Variants in DNAH12 observed in about 807,000 individuals in gnomAD.
DNAH12 encodes dynein axonemal heavy chain 12, also known as axonemal beta dynein heavy chain 12.
DNAH12 carries 285 observed loss-of-function variants against 371.5 expected under a neutral mutation model. The observed-to-expected ratio is 0.77, with a 90% CI of 0.70 to 0.85. The LOEUF (loss-of-function observed/expected upper bound fraction) is 0.85. Ranked by LOEUF, DNAH12 falls within the 40% of genes least tolerant of loss-of-function variation. DNAH12 has a pLI of 0.00. For missense variants in DNAH12, 3,611 were observed against 3,689.4 expected (o/e 0.98, Z 0.55); for synonymous variants, 1,200 against 1,213.0 (o/e 0.99, Z 0.22).
chr3:57,303,569 G>A (rs1036673460), intron 69 of DNAH12, among the ~76,000 whole-genome samples: 22 of 151,660 alleles, frequency 1.5e-4, no homozygotes, highest in African/African-American at 4.8e-4. Context: ...CCGCTACCAC[G>A]CCTGGATAAT....
At chr3:57,487,073 G>A (rs549840432) in intron 12 of DNAH12, among the ~76,000 whole-genome samples, 5 of 152,182 alleles carry the variant, frequency 3.3e-5, no homozygotes, top group Admixed American at 1.3e-4. Flanking sequence ...AATGGCAAAC[G>A]AAGTTGAAGT....
In DNAH12 at chr3:57,502,406, T is replaced by A; in HGVS notation, c.1160A>T (p.His387Leu). The A allele has an allele frequency of 1.2e-6, 2 of 1,614,188 alleles. No homozygotes were observed. The highest frequency in any genetic ancestry group is 2.2e-5 in the East Asian group (1 of 44,886). The change falls in exon 10 of 74, where the codon CAC becomes CTC. Residue 387 changes from histidine (H) to leucine (L), a missense_variant. Physicochemically the swap from His to Leu is moderately conservative, Grantham distance 99. Transcript: ENST00000495027. ...PVNLDTELPE[H>L]VLHWAVDTLK... ...TGTATCAACAGCCCAGTGTAACACGTGTTCAGGAAGTTCTGTGTCAAGATT... is the reference window on the plus strand; with the variant it reads ...TGTATCAACAGCCCAGTGTAACACGAGTTCAGGAAGTTCTGTGTCAAGATT...
intron 70 of DNAH12, among the ~76,000 whole-genome samples, chr3:57,298,361 C>T (rs771343545): frequency 1.6e-4 from 25 of 152,298 alleles, no homozygotes; most frequent in Non-Finnish European, 1.9e-4. Flanking sequence ...GGATGTGAGG[C>T]CAGAGTTGCT....
At chr3:57,311,088 T>C in intron 66 of DNAH12, 138 bp from the exon 67 acceptor site, 2 of 669,440 alleles carry the variant, frequency 3.0e-6, no homozygotes, top group Non-Finnish European at 4.9e-6. Context: ...AGATTGTTAG[T>C]TTTTTTTTGG....
In DNAH12 at chr3:57,446,180, G is replaced by A; in HGVS notation, c.4030C>T (p.Gln1344Ter). The A allele has an allele frequency of 1.9e-6, 3 of 1,551,670 alleles. No homozygotes were observed. The highest frequency in any genetic ancestry group is 1.7e-6 in the Non-Finnish European group (2 of 1,146,990). ...ELEVLSVVAQ[Q>*]ILCIQRAIQQ... ...ATAGCTCTCTGAATGCAAAGGATCT[G>A]TTGAGCTACCACTGACAACACTTCC... is the stretch of plus-strand genomic sequence containing the variant. Residue 1344 changes from glutamine (Q) to a stop codon, truncating the protein, a stop_gained, in exon 27 of 74, where the codon CAG becomes TAG. Coordinates refer to ENST00000495027, the MANE Select transcript of DNAH12 (RefSeq NM_001366028.2). LOFTEE classifies it high-confidence loss of function.
At chr3:57,407,461 T>C (rs1283695494) in intron 40 of DNAH12, among the ~76,000 whole-genome samples, 1 of 152,160 alleles carries the variant, frequency 6.6e-6, no homozygotes, top group Non-Finnish European at 1.5e-5. Context: ...CATAGTAGTT[T>C]CTTTACTTGA....
At chr3:57,395,301 C>T (rs1232339821) in intron 43 of DNAH12, among the ~76,000 whole-genome samples, 5 of 152,116 alleles carry the variant, frequency 3.3e-5, no homozygotes, top group Admixed American at 1.3e-4. Flanking sequence ...CACCCCCGGT[C>T]CTGGAAAGCT....
intron 43 of DNAH12, among the ~76,000 whole-genome samples, chr3:57,402,971 C>G (rs1553679491): frequency 1.3e-5 from 2 of 152,012 alleles, no homozygotes; most frequent in Admixed American, 1.3e-4. Context: ...TTTTTTAAAG[C>G]AGCAGCCATG....
intron 11 of DNAH12, among the ~76,000 whole-genome samples, chr3:57,497,100 G>T (rs115271163): frequency 0.01 from 1,530 of 152,228 alleles, 15 homozygotes; most frequent in African/African-American, 0.033. Flanking sequence ...ATTAAAGAAG[G>T]TTCAAATAAA....
At chr3:57,429,637 A>G in intron 33 of DNAH12, 54 bp downstream of exon 33, 1 of 1,464,856 alleles carries the variant, frequency 6.8e-7, no homozygotes, top group Non-Finnish European at 9.1e-7. Flanking sequence ...TTATTGGCTA[A>G]ATTAAAGAAT....
intron 12 of DNAH12, among the ~76,000 whole-genome samples, chr3:57,486,169 G>A (rs1460427666): frequency 1.4e-5 from 2 of 144,094 alleles, no homozygotes; most frequent in Non-Finnish European, 3.0e-5. Flanking sequence ...AGGTTGCAGT[G>A]AGACTCCATC....
At chr3:57,376,645 C>T (rs1275554512) in intron 53 of DNAH12, among the ~76,000 whole-genome samples, 6 of 152,144 alleles carry the variant, frequency 3.9e-5, no homozygotes, top group African/African-American at 1.4e-4. Context: ...ATGAACCATG[C>T]ATTCACTGAT....
intron 69 of DNAH12, among the ~76,000 whole-genome samples, chr3:57,304,116 C>A (rs1019762715): frequency 1.3e-5 from 2 of 149,394 alleles, no homozygotes; most frequent in South Asian, 2.1e-4. Flanking sequence ...CCTTTACCTA[C>A]CCAAATCTTA....
At chr3:57,480,124 A>T (rs1478610345) in intron 13 of DNAH12, among the ~76,000 whole-genome samples, 9 of 152,152 alleles carry the variant, frequency 5.9e-5, no homozygotes, top group Non-Finnish European at 2.9e-5. Flanking sequence ...AAATCAATGA[A>T]TCCAGGAGCT....
At chr3:57,344,428 C>G (rs552610736) in intron 60 of DNAH12, among the ~76,000 whole-genome samples, 2 of 152,232 alleles carry the variant, frequency 1.3e-5, no homozygotes, top group South Asian at 4.1e-4. Flanking sequence ...ATCCAGTGAT[C>G]CCACAACCAG....
intron 69 of DNAH12, among the ~76,000 whole-genome samples, chr3:57,302,568 T>TG (rs1491312065): frequency 1.4e-4 from 7 of 48,624 alleles, no homozygotes; most frequent in African/African-American, 7.2e-4. Context: ...TATATATGTA[T>TG]TTTTTTTTTT....
At chr3:57,310,485 T>C (rs2061562612) in intron 67 of DNAH12, among the ~76,000 whole-genome samples, 1 of 152,146 alleles carries the variant, frequency 6.6e-6, no homozygotes, top group Non-Finnish European at 1.5e-5. Flanking sequence ...TTTCCTACAA[T>C]ACATGAATTC....
intron 29 of DNAH12, among the ~76,000 whole-genome samples, chr3:57,444,219 A>C (rs1211256331): frequency 6.6e-6 from 1 of 151,604 alleles, no homozygotes; most frequent in African/African-American, 2.4e-5. Flanking sequence ...AATAATTATT[A>C]TAATAAAATA....
At chr3:57,408,218 A>C in intron 40 of DNAH12, 62 bp downstream of exon 40, 1 of 1,433,926 alleles carries the variant, frequency 7.0e-7, no homozygotes. Context: ...AAAAAAATAA[A>C]ATAAGCGCCA....
Sources: allele counts gnomAD v4.1 joint callset (sites outside exome capture counted in the v4.1 genomes callset), GRCh38; gene constraint gnomAD v4.1.1; transcripts MANE v1.5; gene names NCBI Gene and HGNC (gene_info 2026-07-23, HGNC 2026-07-21).